Variants in PPIH observed in about 807,000 individuals in gnomAD.
PPIH encodes peptidyl-prolyl cis-trans isomerase H.
In PPIH, 16 loss-of-function variants were observed where a neutral mutation model predicts 27.6. That is an observed-to-expected ratio of 0.58 (90% CI 0.39 to 0.88). The LOEUF (loss-of-function observed/expected upper bound fraction) is 0.88, where lower values mean the gene tolerates loss of function less well. Ranked by LOEUF, PPIH falls within the 40% of genes least tolerant of loss-of-function variation. The pLI is 0.00. For missense variants in PPIH, 155 were observed against 224.1 expected, an observed-to-expected ratio of 0.69 and a Z score of 1.97; for synonymous variants, 63 against 76.1, an observed-to-expected ratio of 0.83 and a Z score of 0.90.
In PPIH at chr1:42,666,599, T is replaced by C; in HGVS notation, c.465+12T>C. On this transcript the variant is annotated intron_variant, in intron 8 of 9. Transcript: ENST00000304979. ...TGAGAAAGATTGAGGTAAGTACTGC[T>C]TTGATTTTTCTGTTTCTCTGCCATT... The C allele has an allele frequency of 6.2e-7, 1 of 1,613,078 alleles. No homozygotes were observed. The highest frequency in any genetic ancestry group is 8.5e-7 in the Non-Finnish European group (1 of 1,179,104).
intron 9 of PPIH, 144 bp downstream of exon 9, chr1:42,667,584 T>A (rs1649411328): frequency 1.6e-6 from 1 of 623,706 alleles, no homozygotes; most frequent in Non-Finnish European, 2.8e-6. Flanking sequence ...TTTCCTTCTC[T>A]GAGCACATTT....
In PPIH at chr1:42,661,074, G is replaced by A. The variant is rs137885159; in HGVS notation, c.243+170G>A. ...TGGGGAAGTTCTTGAAAGTGGCTGGGTACGACTGACTGTAGATAACCGACT... is the reference window on the plus strand; with the variant it reads ...TGGGGAAGTTCTTGAAAGTGGCTGGATACGACTGACTGTAGATAACCGACT... On this transcript the variant is annotated intron_variant, in intron 5 of 9. Transcript: ENST00000304979. 1.1e-3 allele frequency: 669 copies of A among 607,126 alleles called. 9 individuals are homozygous for A. The East Asian group carries it at 0.017, about 15-fold the overall frequency. 37.6% of individuals were successfully genotyped at this position (607,126 alleles called of 1,614,324 possible). A position where few individuals can be genotyped will look rare whatever the true frequency, so the allele number is the denominator to read the frequency against.
At chr1:42,679,949 T>G (rs1649980411), downstream of PPIH, among the ~76,000 whole-genome samples, 2 of 152,214 alleles carry the variant, frequency 1.3e-5, no homozygotes, top group African/African-American at 4.8e-5. Context: ...TCAATTCATG[T>G]TCTACACCAT....
At position 42,658,479 on chromosome 1, in the gene PPIH, C is replaced by G. The variant is rs1481895127; in HGVS notation, c.33C>G (p.Pro11=). The change falls in exon 1 of 10, where the codon CCC becomes CCG. Residue 11 remains proline, a synonymous_variant. Transcript: ENST00000304979. The stretch of plus-strand genomic sequence containing the variant: ...TGGCAAATTCAAGTCCTGTTAACCC[C>G]GTGGTGTTCTTTGATGTCAGTATTG... MAVANSSPVN[P]VVFFDVSIGG... is the part of the protein sequence containing the mutation. 2 of 1,614,178 alleles carry G rather than the reference C, an allele frequency of 1.2e-6. No homozygotes were observed. The highest frequency in any genetic ancestry group is 3.3e-5 in the Admixed American group (2 of 60,034).
intron 9 of PPIH, among the ~76,000 whole-genome samples, chr1:42,673,032 T>A (rs996304962): frequency 2.0e-5 from 3 of 151,926 alleles, no homozygotes; most frequent in African/African-American, 7.3e-5. Flanking sequence ...TCTTACTCTG[T>A]CACCCAGGCT....
chr1:42,665,410 CAAAG>C (rs1649276854), intron 6 of PPIH, among the ~76,000 whole-genome samples: 1 of 151,984 alleles, frequency 6.6e-6, no homozygotes, highest in Non-Finnish European at 1.5e-5. Flanking sequence ...CATCTTAAAA[CAAAG>C]AAAAGAAAGA....
At chr1:42,668,895 G>A (rs2148720138) in intron 9 of PPIH, among the ~76,000 whole-genome samples, 1 of 152,108 alleles carries the variant, frequency 6.6e-6, no homozygotes, top group African/African-American at 2.4e-5. Flanking sequence ...CTTAGTTCAT[G>A]TAAAACCACC....
chr1:42,669,564 C>T (rs1649520724), intron 9 of PPIH, among the ~76,000 whole-genome samples: 1 of 152,194 alleles, frequency 6.6e-6, no homozygotes, highest in African/African-American at 2.4e-5. Flanking sequence ...GCTAGGATTA[C>T]AGGCGTGAGC....
chr1:42,680,456 AGAG>A (rs1240374345), downstream of PPIH, among the ~76,000 whole-genome samples: 1 of 152,256 alleles, frequency 6.6e-6, no homozygotes, highest in Non-Finnish European at 1.5e-5. Context: ...AGGGAATACA[AGAG>A]AAGACTCTAA....
rs1472804673 is a variant in PPIH at position 42,666,003 on chromosome 1, T to C, written c.360T>C (p.Asn120=). Residue 120 remains asparagine (N), a synonymous_variant, in exon 7 of 10, where the codon AAT becomes AAC. Coordinates refer to ENST00000304979, the MANE Select transcript of PPIH (RefSeq NM_006347.4). The stretch of plus-strand genomic sequence containing the variant: ...AGGCGAACAGTGGTCCAAGTACAAA[T>C]GGCTGTCAGTTCTTTATCACCTGCT... ...LSMANSGPST[N]GCQFFITCSK... 6.2e-7 allele frequency: 1 copy of C among 1,614,190 alleles called. No individual in the cohort carries two copies. Among genetic ancestry groups the C allele is most frequent in the Admixed American group, 1.7e-5 (1 of 60,024 alleles).
intron 5 of PPIH, 21 bp downstream of exon 5, chr1:42,660,925 AT>A: frequency 6.3e-7 from 1 of 1,597,642 alleles, no homozygotes; most frequent in Non-Finnish European, 8.6e-7. Context: ...TTCCTTTCCT[AT>A]CAAAGACCCG....
intron 2 of PPIH, 81 bp downstream of exon 2, chr1:42,658,989 C>T (rs1225331718): frequency 2.0e-6 from 3 of 1,478,020 alleles, no homozygotes; most frequent in African/African-American, 1.4e-5. Flanking sequence ...GCCTGTCTAC[C>T]TCTGTCCGTC....
chr1:42,676,278 G>A (rs997955415), intron 9 of PPIH, among the ~76,000 whole-genome samples: 3 of 152,052 alleles, frequency 2.0e-5, no homozygotes, highest in African/African-American at 7.2e-5. Context: ...GACCAGCCTG[G>A]TCAATATGGT....
intron 5 of PPIH, among the ~76,000 whole-genome samples, chr1:42,662,729 A>G (rs141564726): frequency 7.7e-4 from 117 of 152,336 alleles, no homozygotes; most frequent in African/African-American, 2.7e-3. Flanking sequence ...GAAAAGTGCA[A>G]AGAAGAAAAT....
rs559540407 is a variant in PPIH, at chr1:42,659,572, G to C, written c.200+6G>C. 6 of 1,612,398 alleles carry C rather than the reference G, an allele frequency of 3.7e-6. No individual in the cohort carries two copies. The South Asian group carries it at 5.5e-5, about 15-fold the overall frequency. ...AAAGGAAGCACCTTCCACAGGTAAGGCTCTTGGCAAGCCATCCTGGAGTCT... is the reference window on the plus strand; with the variant it reads ...AAAGGAAGCACCTTCCACAGGTAAGCCTCTTGGCAAGCCATCCTGGAGTCT... On this transcript the variant is annotated splice_donor_region_variant and intron_variant, in intron 4 of 9. Transcript: ENST00000304979.
At chr1:42,659,019 C>T in intron 2 of PPIH, 111 bp downstream of exon 2, 8 of 1,359,780 alleles carry the variant, frequency 5.9e-6, no homozygotes, top group Non-Finnish European at 8.3e-6. Flanking sequence ...CTCTTGAGAC[C>T]TGATTCCTCC....
chr1:42,666,194 A>C, intron 7 of PPIH, 127 bp downstream of exon 7: 1 of 887,124 alleles, frequency 1.1e-6, no homozygotes, highest in Non-Finnish European at 1.8e-6. Context: ...TAATAGAGAA[A>C]ACAGAAATGG....
chr1:42,681,028 A>G (rs1053141170), downstream of PPIH, among the ~76,000 whole-genome samples: 41 of 152,210 alleles, frequency 2.7e-4, no homozygotes, highest in African/African-American at 5.1e-4. Context: ...TCACAGGCCT[A>G]GACGGCATTG....
intron 9 of PPIH, among the ~76,000 whole-genome samples, chr1:42,674,587 A>G (rs1163580363): frequency 6.6e-6 from 1 of 152,232 alleles, no homozygotes; most frequent in East Asian, 1.9e-4. Flanking sequence ...GACCCTCCAA[A>G]AAAGAATCAG....
Sources: gnomAD v4.1 joint callset for allele counts (sites outside exome capture counted in the v4.1 genomes callset) on GRCh38, gnomAD v4.1.1 for gene constraint, MANE v1.5 for transcripts, NCBI Gene and HGNC (gene_info 2026-07-23, HGNC 2026-07-21) for gene names.